Variants in CLASP1 observed in about 807,000 individuals in gnomAD.
The protein encoded by CLASP1 is cytoplasmic linker associated protein 1, also known as CLIP-associating protein 1.
CLASP1 carries 38 observed loss-of-function variants against 192.3 expected under a neutral mutation model. The ratio of observed to expected loss-of-function variants is 0.20; its 90% CI spans 0.15 to 0.26. The LOEUF (loss-of-function observed/expected upper bound fraction) is 0.26. Among genes scored for constraint, CLASP1 ranks in the 10% least tolerant of loss-of-function variants. CLASP1 has a pLI of 1.00. For missense variants in CLASP1, 1,433 were observed against 1,932.5 expected (o/e 0.74, Z 4.85); for synonymous variants, 691 against 712.8 (o/e 0.97, Z 0.49).
chr2:121,596,619 C>A (rs1165397087), intron 2 of CLASP1, among the ~76,000 whole-genome samples: 1 of 152,136 alleles, frequency 6.6e-6, no homozygotes, highest in Non-Finnish European at 1.5e-5. Flanking sequence ...GAGACTACAT[C>A]TTTTACAGTC....
chr2:121,577,002 G>C (rs2060582588), intron 2 of CLASP1, among the ~76,000 whole-genome samples: 1 of 152,094 alleles, frequency 6.6e-6, no homozygotes, highest in Non-Finnish European at 1.5e-5. Flanking sequence ...CGTGATAATG[G>C]TACCATGGTT....
intron 1 of CLASP1, among the ~76,000 whole-genome samples, chr2:121,635,221 A>G (rs542127821): frequency 3.9e-4 from 57 of 146,450 alleles, no homozygotes; most frequent in African/African-American, 1.4e-3. Flanking sequence ...AAAAAAAAAA[A>G]GAAAAGAAAA....
chr2:121,464,532 G>A (rs1436612376), intron 9 of CLASP1, among the ~76,000 whole-genome samples: 1 of 151,848 alleles, frequency 6.6e-6, no homozygotes, highest in Non-Finnish European at 1.5e-5. Context: ...TTTAATGATT[G>A]CCATCCTAAC....
At chr2:121,409,004 A>C in intron 24 of CLASP1, 1 of 1,552,562 alleles carries the variant, frequency 6.4e-7, no homozygotes, top group South Asian at 1.2e-5. Flanking sequence ...GTTGTAAAAC[A>C]AAAGTTAAAG....
At chr2:121,359,436 C>T (rs545581051) in intron 37 of CLASP1, among the ~76,000 whole-genome samples, 3 of 152,176 alleles carry the variant, frequency 2.0e-5, no homozygotes, top group Non-Finnish European at 4.4e-5. Context: ...AGTATCAATT[C>T]TCTTATTTAA....
intron 8 of CLASP1, among the ~76,000 whole-genome samples, chr2:121,475,489 T>C (rs1184867514): frequency 2.0e-5 from 3 of 152,318 alleles, no homozygotes; most frequent in Admixed American, 2.0e-4. Flanking sequence ...AACTGGACCA[T>C]GGTTACAGTC....
At chr2:121,345,814 C>T (rs530079626) in intron 39 of CLASP1, among the ~76,000 whole-genome samples, 37 of 152,322 alleles carry the variant, frequency 2.4e-4, no homozygotes, top group African/African-American at 7.9e-4. Context: ...GATTCTGCCC[C>T]CCAGAGGGCA....
chr2:121,526,562 T>TC (rs1559518503), intron 5 of CLASP1, among the ~76,000 whole-genome samples: 1 of 152,172 alleles, frequency 6.6e-6, no homozygotes, highest in African/African-American at 2.4e-5. Context: ...CTAGAAGTTT[T>TC]CTTTTTTTTT....
chr2:121,439,853 A>G (rs369756869), intron 19 of CLASP1, among the ~76,000 whole-genome samples: 1 of 147,704 alleles, frequency 6.8e-6, no homozygotes, highest in East Asian at 2.0e-4. Context: ...CAAACACTGC[A>G]TATTCTCACT....
At chr2:121,579,354 C>G (rs1256025149) in intron 2 of CLASP1, among the ~76,000 whole-genome samples, 2 of 152,164 alleles carry the variant, frequency 1.3e-5, no homozygotes, top group Non-Finnish European at 2.9e-5. Flanking sequence ...ATACCATAAA[C>G]TTCATCCTTT....
rs975799481 is a variant in CLASP1, at chr2:121,561,463, G to C, written c.196-31138C>G. Among the ~76,000 whole-genome samples the C allele has an allele frequency of 5.3e-5, 8 of 152,072 alleles. 1 individual carries two copies. The highest frequency in any genetic ancestry group is 1.2e-4 in the African/African-American group (5 of 41,398). On this transcript the variant is annotated intron_variant, in intron 2 of 39. Coordinates refer to ENST00000263710, the Ensembl canonical transcript of CLASP1. ...CATACGATCACTATTAGAAAAACTA[G>C]AGACAAAATGGAACAATAAGACAAA...
chr2:121,492,891 C>T (rs2093381432), intron 8 of CLASP1, among the ~76,000 whole-genome samples: 1 of 152,114 alleles, frequency 6.6e-6, no homozygotes, highest in South Asian at 2.1e-4. Flanking sequence ...TTCAAAGCAG[C>T]ACTATTCACA....
intron 1 of CLASP1, among the ~76,000 whole-genome samples, chr2:121,647,039 CAAAA>C (rs36066876): frequency 2.8e-5 from 2 of 71,752 alleles, no homozygotes; most frequent in Admixed American, 1.6e-4. Flanking sequence ...GACTCCATCT[CAAAA>C]AAAAAAAAAA....
At chr2:121,437,690 T>C (rs2082540402) in intron 19 of CLASP1, among the ~76,000 whole-genome samples, 1 of 152,226 alleles carries the variant, frequency 6.6e-6, no homozygotes, top group South Asian at 2.1e-4. Context: ...CTTTTCAGTT[T>C]AGTAAAGTTA....
Position 121,384,119 on chromosome 2 carries a change from T to TAC in CLASP1, c.3375-1797_3375-1796dup, listed in dbSNP as rs1288240807. 3.6e-5 allele frequency among the ~76,000 whole-genome samples: 5 copies of TAC among 138,174 alleles called. No individual in the cohort carries two copies. In the East Asian group the frequency reaches 5.9e-4, roughly 16 times the overall value. 90.6% of individuals were successfully genotyped at this position (138,174 alleles called of 152,430 possible). On this transcript the variant is annotated intron_variant, in intron 32 of 39. Coordinates refer to ENST00000263710, the Ensembl canonical transcript of CLASP1. ...ACACACATATATATGTATATATATA[T>TAC]ACACACATATATATGTATATATATA...
chr2:121,611,131 T>G (rs1196313238), intron 1 of CLASP1, among the ~76,000 whole-genome samples: 286 of 55,406 alleles, frequency 5.2e-3, no homozygotes, highest in Admixed American at 6.2e-3. Flanking sequence ...GGAGGAGGAG[T>G]TACAGGAGGA....
chr2:121,646,236 C>G (rs574714779), intron 1 of CLASP1, among the ~76,000 whole-genome samples: 4 of 152,132 alleles, frequency 2.6e-5, no homozygotes, highest in African/African-American at 7.2e-5. Flanking sequence ...CCTCATCCCC[C>G]CAAGTAGTTG....
intron 2 of CLASP1, among the ~76,000 whole-genome samples, chr2:121,572,632 G>A (rs770306329): frequency 2.6e-5 from 4 of 152,074 alleles, no homozygotes; most frequent in African/African-American, 9.7e-5. Flanking sequence ...AGTGGCTCAC[G>A]CACCTGTAAT....
intron 2 of CLASP1, among the ~76,000 whole-genome samples, chr2:121,564,656 T>C (rs1294160875): frequency 1.3e-5 from 2 of 152,156 alleles, no homozygotes; most frequent in South Asian, 2.1e-4. Flanking sequence ...CACATTTTCA[T>C]CAACTTTTGC....
Sources: allele counts gnomAD v4.1 joint callset (sites outside exome capture counted in the v4.1 genomes callset), GRCh38; gene constraint gnomAD v4.1.1; transcripts MANE v1.5; gene names NCBI Gene and HGNC (gene_info 2026-07-23, HGNC 2026-07-21).